The following PLD1 variants were observed in gnomAD, a reference collection of about 807,000 sequenced individuals.
The protein encoded by PLD1 is phospholipase D1.
A neutral mutation model predicts 137.1 loss-of-function variants in PLD1; 112 were observed. That is an observed-to-expected ratio of 0.82 (90% CI 0.70 to 0.96). The LOEUF is 0.96. Among genes scored for constraint, PLD1 ranks in the 40% least tolerant of loss-of-function variants. The pLI is 0.00. For missense variants in PLD1, 1,321 were observed against 1,342.0 expected (o/e 0.98, Z 0.24); for synonymous variants, 431 against 454.7 (o/e 0.95, Z 0.66).
At chr3:171,689,513 TTC>T (rs1272030548) in intron 13 of PLD1, among the ~76,000 whole-genome samples, 1 of 151,942 alleles carries the variant, frequency 6.6e-6, no homozygotes, top group African/African-American at 2.4e-5. Context: ...CTTCCTTCCT[TTC>T]TTTCTTTCTC....
intron 1 of PLD1, among the ~76,000 whole-genome samples, chr3:171,740,482 TA>T (rs1294930364): frequency 6.6e-6 from 1 of 152,222 alleles, no homozygotes; most frequent in Non-Finnish European, 1.5e-5. Flanking sequence ...AGACTTCAGA[TA>T]TTTTTTATTG....
chr3:171,706,209 C>CATTGAA (rs545696703), intron 11 of PLD1, among the ~76,000 whole-genome samples: 1 of 151,910 alleles, frequency 6.6e-6, no homozygotes, highest in South Asian at 2.1e-4. Context: ...GCCCTTATTA[C>CATTGAA]CACTTACATT....
intron 16 of PLD1, among the ~76,000 whole-genome samples, chr3:171,684,795 G>A (rs887756027): frequency 2.0e-5 from 3 of 152,042 alleles, no homozygotes; most frequent in African/African-American, 7.2e-5. Flanking sequence ...CTGCGTTGCC[G>A]AAGATGGTCT....
In PLD1 at chr3:171,764,854, A is replaced by AG. The variant is rs1491562752; in HGVS notation, c.-31-26773dup. ...AAGAAAGAAAGAAAGAAAGAAAGAA[A>AG]GAAAGAAAGAAAGAAAGAAAGAAAG... is the stretch of plus-strand genomic sequence containing the variant. On this transcript the variant is annotated intron_variant, in intron 1 of 26. Coordinates refer to ENST00000351298, the MANE Select transcript of PLD1 (RefSeq NM_002662.5). 8.7e-4 allele frequency among the ~76,000 whole-genome samples: 20 copies of AG among 22,910 alleles called. 1 individual carries two copies. Among genetic ancestry groups the AG allele is most frequent in the African/African-American group, 3.4e-3 (18 of 5,346 alleles). 15.0% of individuals were successfully genotyped at this position (22,910 alleles called of 152,430 possible). A position where few individuals can be genotyped will look rare whatever the true frequency, so the allele number is the denominator to read the frequency against.
At chr3:171,610,267 A>C (rs919583540) in intron 25 of PLD1, among the ~76,000 whole-genome samples, 5 of 152,348 alleles carry the variant, frequency 3.3e-5, no homozygotes, top group African/African-American at 1.2e-4. Context: ...ATAAAATATA[A>C]TGTAGCCATT....
At chr3:171,792,370 C>T (rs1028690329) in intron 1 of PLD1, 2 of 351,876 alleles carry the variant, frequency 5.7e-6, no homozygotes, top group Non-Finnish European at 1.1e-5. Flanking sequence ...CACCTTATTT[C>T]ATATACTAAG....
chr3:171,622,884 T>A, intron 23 of PLD1, among the ~76,000 whole-genome samples: 1 of 151,766 alleles, frequency 6.6e-6, no homozygotes, highest in East Asian at 1.9e-4. Flanking sequence ...ATAGCCTTTA[T>A]ATACACAAAA....
chr3:171,724,604 A>G, intron 8 of PLD1, 92 bp downstream of exon 8: 1 of 747,270 alleles, frequency 1.3e-6, no homozygotes, highest in Non-Finnish European at 2.4e-6. Flanking sequence ...CATTGCTTTT[A>G]AAGGATTTAT....
intron 1 of PLD1, among the ~76,000 whole-genome samples, chr3:171,748,211 T>G (rs1720394134): frequency 6.6e-6 from 1 of 152,216 alleles, no homozygotes; most frequent in South Asian, 2.1e-4. Flanking sequence ...ATGGGAGGAT[T>G]ACTCCTGACT....
At position 171,659,209 on chromosome 3, in the gene PLD1, T is replaced by A; in HGVS notation, c.2429+4A>T. On this transcript the variant is annotated splice_donor_region_variant and intron_variant, in intron 21 of 26. Transcript: ENST00000351298. ...AGCGAGAACTCTCAGCCAAAGGCTGTTACCTGTGAGCTTTCAGGATCCTCT... is the reference window on the plus strand; with the variant it reads ...AGCGAGAACTCTCAGCCAAAGGCTGATACCTGTGAGCTTTCAGGATCCTCT... 5 of 1,597,854 alleles carry A rather than the reference T, an allele frequency of 3.1e-6. No homozygotes were observed. Among genetic ancestry groups the A allele is most frequent in the Non-Finnish European group, 4.3e-6 (5 of 1,165,178 alleles).
intron 23 of PLD1, among the ~76,000 whole-genome samples, chr3:171,630,013 T>G (rs372295709): frequency 7.2e-5 from 11 of 151,978 alleles, no homozygotes; most frequent in East Asian, 1.9e-4. Flanking sequence ...ATTGACAAAT[T>G]GGATCTAATT....
Position 171,727,540 on chromosome 3 carries a change from C to T in PLD1, c.607-1464G>A, listed in dbSNP as rs144708654. On this transcript the variant is annotated intron_variant, in intron 6 of 26. Transcript: ENST00000351298. ...TTCCTTAGGCCATGTCAATAGCAGCCTTGATAGACCAACAAAGACTAAAAA... is the reference window on the plus strand; with the variant it reads ...TTCCTTAGGCCATGTCAATAGCAGCTTTGATAGACCAACAAAGACTAAAAA... Among the ~76,000 whole-genome samples, 81 of 152,244 alleles carry T rather than the reference C, an allele frequency of 5.3e-4. 1 individual carries two copies. In the East Asian group the frequency reaches 0.014, roughly 26 times the overall value.
Position 171,687,511 on chromosome 3 carries a change from T to C in PLD1, c.1613A>G (p.Gln538Arg), listed in dbSNP as rs748151212. ...TGAATCCACATCATCAATACTCTTC[T>C]GGATGGGTAGGTTTTGAACAGGCTC... ...KNEPVQNLPI[Q>R]KSIDDVDSKL... Residue 538 changes from glutamine (Q) to arginine (R), a missense_variant, in exon 15 of 27, where the codon CAG (glutamine) becomes CGG (arginine). Physicochemically the swap from Gln to Arg is conservative, Grantham distance 43 (BLOSUM62 1). Transcript: ENST00000351298. The C allele has an allele frequency of 6.2e-7, 1 of 1,614,008 alleles. No homozygotes were observed. The highest frequency in any genetic ancestry group is 1.7e-5 in the Admixed American group (1 of 60,022).
chr3:171,638,847 T>C (rs1379979460), intron 23 of PLD1, among the ~76,000 whole-genome samples: 1 of 152,148 alleles, frequency 6.6e-6, no homozygotes, highest in East Asian at 1.9e-4. Context: ...CTAAAGTAGA[T>C]TGCCCTCCCC....
At chr3:171,609,707 T>C (rs186126938) in intron 25 of PLD1, among the ~76,000 whole-genome samples, 41 of 152,148 alleles carry the variant, frequency 2.7e-4, no homozygotes, top group African/African-American at 9.6e-4. Context: ...TACATACACA[T>C]GGATGTACAG....
At chr3:171,747,474 T>TTTA (rs1387900598) in intron 1 of PLD1, among the ~76,000 whole-genome samples, 1 of 151,726 alleles carries the variant, frequency 6.6e-6, no homozygotes, top group Non-Finnish European at 1.5e-5. Flanking sequence ...TCCTCTCTTT[T>TTTA]TTTTTTTTTT....
chr3:171,717,926 G>A (rs1717797304), intron 8 of PLD1, among the ~76,000 whole-genome samples: 1 of 152,180 alleles, frequency 6.6e-6, no homozygotes, highest in Non-Finnish European at 1.5e-5. Context: ...ATTGAGGGTT[G>A]TTAAAATGAA....
intron 25 of PLD1, among the ~76,000 whole-genome samples, chr3:171,608,640 T>C (rs1286068917): frequency 6.6e-6 from 1 of 152,116 alleles, no homozygotes; most frequent in Non-Finnish European, 1.5e-5. Context: ...CAGTGTATCT[T>C]AAAGGTGGAC....
At chr3:171,774,992 T>G (rs1208800476) in intron 1 of PLD1, among the ~76,000 whole-genome samples, 1 of 152,178 alleles carries the variant, frequency 6.6e-6, no homozygotes, top group Non-Finnish European at 1.5e-5. Flanking sequence ...AAGGAGCAGC[T>G]GCAGCTGGGG....
Sources: gnomAD v4.1 joint callset for allele counts (sites outside exome capture counted in the v4.1 genomes callset) on GRCh38, gnomAD v4.1.1 for gene constraint, MANE v1.5 for transcripts, NCBI Gene and HGNC (gene_info 2026-07-23, HGNC 2026-07-21) for gene names.